Variants in ACTA2 observed in about 807,000 individuals in gnomAD.
ACTA2 encodes the protein actin, aortic smooth muscle.
A neutral mutation model predicts 39.5 loss-of-function variants in ACTA2; 12 were observed. The ratio of observed to expected loss-of-function variants is 0.30; its 90% confidence interval spans 0.19 to 0.49. The LOEUF (loss-of-function observed/expected upper bound fraction) is 0.49, where lower values mean the gene tolerates loss of function less well. Ranked by LOEUF, ACTA2 falls within the 20% of genes least tolerant of loss-of-function variation. The pLI, the probability that ACTA2 is intolerant of heterozygous loss-of-function variation, is 0.99. For synonymous variants in ACTA2, 158 were observed against 180.6 expected (o/e 0.88, Z 1.00); for missense variants, 236 against 498.8 (o/e 0.47, Z 5.02).
intron 1 of ACTA2, chr10:88,989,592 A>G (rs1305692289): frequency 3.7e-6 from 2 of 538,910 alleles, no homozygotes; most frequent in South Asian, 2.8e-5. Flanking sequence ...AAGTGCAGTG[A>G]CAGATGCAAA....
chr10:88,944,771 C>T (rs1035945565), intron 3 of ACTA2, among the ~76,000 whole-genome samples: 2 of 152,198 alleles, frequency 1.3e-5, no homozygotes, highest in African/African-American at 4.8e-5. Context: ...TGGTTGAGCA[C>T]TTTCTTTAAT....
At chr10:88,937,495 G>A (rs1845764293) in intron 8 of ACTA2, among the ~76,000 whole-genome samples, 1 of 152,126 alleles carries the variant, frequency 6.6e-6, no homozygotes, top group African/African-American at 2.4e-5. Context: ...CACATACAGG[G>A]GTCCTGGGTG....
At chr10:88,948,980 T>G (rs554182403) in intron 1 of ACTA2, 27 bp from the exon 2 acceptor site, 2 of 1,611,688 alleles carry the variant, frequency 1.2e-6, no homozygotes, top group East Asian at 2.2e-5. Flanking sequence ...GGAAGCAGCC[T>G]CAGCTGTAAT....
At chr10:88,958,163 T>C (rs79668517) in intron 1 of ACTA2, among the ~76,000 whole-genome samples, 2,029 of 152,334 alleles carry the variant, frequency 0.013, 38 homozygotes, top group African/African-American at 0.046. Flanking sequence ...TATAATAATA[T>C]GTCCAACTAT....
In ACTA2 at chr10:88,952,558, T is replaced by C. The variant is rs72809344; in HGVS notation, c.-24+173A>G. The stretch of plus-strand genomic sequence containing the variant: ...CCAAACTACATATTAGCCCTGTCTT[T>C]AACGTTAGATCATTAAAGCCAAAAG... On this transcript the variant is annotated intron_variant, in intron 1 of 8. Coordinates refer to ENST00000224784, the MANE Select transcript of ACTA2 (RefSeq NM_001613.4). 0.02 allele frequency among the ~76,000 whole-genome samples: 3,016 copies of C among 152,348 alleles called. 44 individuals are homozygous for C. The highest frequency in any genetic ancestry group is 0.031 in the Non-Finnish European group (2,079 of 68,032).
Position 88,990,593 on chromosome 10 carries a change from A to G in ACTA2, c.-24+346T>C. The G allele has an allele frequency of 1.5e-6, 1 of 673,358 alleles. No homozygotes were observed. The highest frequency in any genetic ancestry group is 1.5e-5 in the South Asian group (1 of 66,414). The allele number at this position is 673,358 out of a possible 1,614,324, so 41.7% of individuals were successfully genotyped here. ...GCCCTCCCCAACCCGGGCGTTCCCC[A>G]GCGAGGCTTCCTTCCCATCCTCCTG... On this transcript the variant is annotated intron_variant, in intron 1 of 4. Coordinates refer to the ACTA2 transcript ENST00000415557. This position sits in a 1 kb window ranked among gnomAD's most constrained non-coding sequence, Gnocchi z 4.9.
At chr10:88,980,101 T>C (rs2133345711) in intron 1 of ACTA2, among the ~76,000 whole-genome samples, 1 of 152,372 alleles carries the variant, frequency 6.6e-6, no homozygotes, top group Middle Eastern at 3.4e-3. Flanking sequence ...TTTTTAAGTT[T>C]TGTTCACCAC....
intron 1 of ACTA2, among the ~76,000 whole-genome samples, chr10:88,980,436 T>C (rs1846683091): frequency 6.6e-6 from 1 of 152,150 alleles, no homozygotes; most frequent in Non-Finnish European, 1.5e-5. Context: ...AACTGTGGTG[T>C]CTGGTGAGCC....
At chr10:88,962,951 AT>A (rs1846256790) in intron 1 of ACTA2, among the ~76,000 whole-genome samples, 2 of 15,176 alleles carry the variant, frequency 1.3e-4, no homozygotes, top group African/African-American at 1.3e-3. Context: ...ATATATATAT[AT>A]ATATATATAT....
chr10:88,971,158 T>A (rs1278819908), intron 1 of ACTA2, among the ~76,000 whole-genome samples: 2 of 152,226 alleles, frequency 1.3e-5, no homozygotes, highest in Non-Finnish European at 2.9e-5. Flanking sequence ...GTACCAAGCA[T>A]TTGAGCTGGA....
At chr10:88,960,626 G>T (rs1846210263) in intron 1 of ACTA2, among the ~76,000 whole-genome samples, 1 of 147,298 alleles carries the variant, frequency 6.8e-6, no homozygotes, top group African/African-American at 2.5e-5. Flanking sequence ...GGGAACTGGT[G>T]GCCCGAAGGT....
chr10:88,989,772 G>C (rs9658674), intron 1 of ACTA2, among the ~76,000 whole-genome samples: 2,151 of 152,304 alleles, frequency 0.014, 47 homozygotes, highest in African/African-American at 0.049. Context: ...GGAAGGGAGA[G>C]AGGTTGCAGA....
intron 1 of ACTA2, among the ~76,000 whole-genome samples, chr10:88,978,496 A>G (rs1185914587): frequency 1.5e-4 from 23 of 152,226 alleles, no homozygotes; most frequent in Admixed American, 1.4e-3. Context: ...CTGTGAATAC[A>G]TTTGTTGTAC....
chr10:88,947,407 A>G (rs1376916666), intron 2 of ACTA2, 21 bp from the exon 3 acceptor site: 1 of 1,613,486 alleles, frequency 6.2e-7, no homozygotes. Context: ...TCAACACATT[A>G]TGAGTCAGCA....
chr10:88,944,580 C>T (rs1310433682), intron 3 of ACTA2, among the ~76,000 whole-genome samples: 1 of 152,182 alleles, frequency 6.6e-6, no homozygotes, highest in Non-Finnish European at 1.5e-5. Context: ...GAACAGGGCT[C>T]TCTGACTCTT....
chr10:88,944,525 T>C (rs1241639224), intron 3 of ACTA2, among the ~76,000 whole-genome samples: 2 of 152,232 alleles, frequency 1.3e-5, no homozygotes, highest in South Asian at 2.1e-4. Context: ...TTGACACTTT[T>C]AATGCTTCTA....
chr10:88,979,016 T>A (rs1589423552), intron 1 of ACTA2, among the ~76,000 whole-genome samples: 2 of 152,124 alleles, frequency 1.3e-5, no homozygotes, highest in South Asian at 4.1e-4. Flanking sequence ...GCATATAAAG[T>A]TTATTCTGTT....
At chr10:88,988,449 A>T (rs78959422) in intron 1 of ACTA2, among the ~76,000 whole-genome samples, 12,995 of 130,100 alleles carry the variant, frequency 0.1, 800 homozygotes, top group Non-Finnish European at 0.14. Flanking sequence ...TTTTTATCTT[A>T]ACTCTTCCTG....
chr10:88,957,592 C>T (rs1214714086), upstream of ACTA2, among the ~76,000 whole-genome samples: 1 of 152,198 alleles, frequency 6.6e-6, no homozygotes, highest in East Asian at 1.9e-4. Context: ...TTCCCATTAA[C>T]AAGTCAGACA....
Sources: allele counts gnomAD v4.1 joint callset (sites outside exome capture counted in the v4.1 genomes callset), GRCh38; gene constraint gnomAD v4.1.1; non-coding constraint Gnocchi (gnomAD v3.1); transcripts MANE v1.5; gene names NCBI Gene and HGNC (gene_info 2026-07-23, HGNC 2026-07-21).